FAM184B: variants seen among roughly 807,000 people sequenced by gnomAD.
FAM184B encodes family with sequence similarity 184 member B.
Under a neutral mutation model 135.9 loss-of-function variants are expected in FAM184B, and 111 were observed. That is an observed-to-expected ratio of 0.82 (90% CI 0.70 to 0.96). The LOEUF is 0.96. Among genes scored for constraint, FAM184B ranks in the 40% least tolerant of loss-of-function variants. The pLI, the probability that FAM184B is intolerant of heterozygous loss-of-function variation, is 0.00. For synonymous variants in FAM184B, 552 were observed against 524.8 expected (o/e 1.05, Z -0.71); for missense variants, 1,375 against 1,323.9 (o/e 1.04, Z -0.60).
chr4:17,697,669 C>T (rs1236915234), intron 5 of FAM184B, among the ~76,000 whole-genome samples: 1 of 152,146 alleles, frequency 6.6e-6, no homozygotes, highest in East Asian at 1.9e-4. Flanking sequence ...GTTTAACATG[C>T]TTTAATAAAG....
chr4:17,639,148 C>A (rs1046789558), intron 14 of FAM184B, 102 bp downstream of exon 14: 4 of 1,266,596 alleles, frequency 3.2e-6, no homozygotes, highest in South Asian at 2.8e-5. Flanking sequence ...CCAGGACTTT[C>A]AATTTGAAAA....
At chr4:17,719,188 T>C (rs982151360) in intron 1 of FAM184B, among the ~76,000 whole-genome samples, 8 of 152,158 alleles carry the variant, frequency 5.3e-5, no homozygotes, top group African/African-American at 1.9e-4. Flanking sequence ...TTTGGGGCCA[T>C]TATGAGGTAA....
At position 17,781,117 on chromosome 4, in the gene FAM184B, C is replaced by T; in HGVS notation, c.141+42G>A. ...TCCGCACTGACTCCCGGCTCGGGCG[C>T]CCCGGGCGTGCAGCTCGCTGGCCCG... On this transcript the variant is annotated intron_variant, in intron 1 of 17. Coordinates refer to ENST00000265018, the MANE Select transcript of FAM184B (RefSeq NM_015688.2). The surrounding 1 kb of genome is among the most constrained non-coding windows in gnomAD (Gnocchi z 6.5). 3.4e-6 allele frequency: 5 copies of T among 1,475,564 alleles called. No homozygotes were observed. Among genetic ancestry groups the T allele is most frequent in the Non-Finnish European group, 4.5e-6 (5 of 1,110,890 alleles). The allele number at this position is 1,475,564 out of a possible 1,614,324, so 91.4% of individuals were successfully genotyped here.
intron 1 of FAM184B, among the ~76,000 whole-genome samples, chr4:17,735,793 A>G (rs1299789094): frequency 6.6e-6 from 1 of 152,148 alleles, no homozygotes; most frequent in Non-Finnish European, 1.5e-5. Flanking sequence ...TGACATTACA[A>G]CCGGAATAAA....
At chr4:17,649,346 A>T (rs1298671526) in intron 11 of FAM184B, among the ~76,000 whole-genome samples, 1 of 152,186 alleles carries the variant, frequency 6.6e-6, no homozygotes, top group Non-Finnish European at 1.5e-5. Flanking sequence ...GCACTTTGGG[A>T]GGCCGACGTG....
At chr4:17,636,022 T>TG (rs1266675524) in intron 15 of FAM184B, among the ~76,000 whole-genome samples, 1 of 141,794 alleles carries the variant, frequency 7.1e-6, no homozygotes, top group East Asian at 2.3e-4. Flanking sequence ...CAAATGCTGT[T>TG]GGACTTGGGA....
intron 13 of FAM184B, among the ~76,000 whole-genome samples, chr4:17,641,804 CCT>C (rs2108930579): frequency 6.6e-6 from 1 of 151,942 alleles, no homozygotes; most frequent in South Asian, 2.1e-4. Context: ...AGCCAGACTC[CCT>C]CTTTTATTTC....
At chr4:17,670,112 C>T (rs1716137615) in intron 7 of FAM184B, among the ~76,000 whole-genome samples, 1 of 152,172 alleles carries the variant, frequency 6.6e-6, no homozygotes, top group East Asian at 1.9e-4. Flanking sequence ...TTAAAAGAAT[C>T]AGATAAACTT....
In FAM184B at chr4:17,664,622, C is replaced by T. The variant is rs1231028117; in HGVS notation, c.1634G>A (p.Gly545Glu). The T allele has an allele frequency of 1.9e-6, 3 of 1,551,402 alleles. No homozygotes were observed. Among genetic ancestry groups the T allele is most frequent in the African/African-American group, 1.4e-5 (1 of 72,880 alleles). ...TGCTAACTTATCTTGATACTCCTCT[C>T]CTCTCGGCGAAGTTTCATCCAGCTT... ...CLKLDETSPRGEEYQDKLAAE... is the reference protein window; with the variant it reads ...CLKLDETSPREEEYQDKLAAE... Residue 545 changes from glycine (G) to glutamate (E), a missense_variant, in exon 8 of 18, where the codon GGA becomes GAA. Transcript: ENST00000265018.
intron 10 of FAM184B, among the ~76,000 whole-genome samples, chr4:17,657,271 G>T (rs1258710887): frequency 1.3e-5 from 2 of 152,176 alleles, no homozygotes. Context: ...ATCTGTCAGA[G>T]AATCCATCAG....
At chr4:17,772,973 T>C (rs888694930) in intron 1 of FAM184B, among the ~76,000 whole-genome samples, 1 of 152,178 alleles carries the variant, frequency 6.6e-6, no homozygotes, top group Non-Finnish European at 1.5e-5. Flanking sequence ...ATTAACTATA[T>C]ATTCCCCTTT....
intron 1 of FAM184B, among the ~76,000 whole-genome samples, chr4:17,735,308 G>A (rs1260392519): frequency 6.6e-6 from 1 of 151,450 alleles, no homozygotes; most frequent in Non-Finnish European, 1.5e-5. Context: ...TTGTGCACAT[G>A]TACCCTAAAA....
At chr4:17,739,303 T>G in intron 1 of FAM184B, among the ~76,000 whole-genome samples, 1 of 152,158 alleles carries the variant, frequency 6.6e-6, no homozygotes. Flanking sequence ...TCTCAAGTCT[T>G]GTCCCCAGTA....
chr4:17,703,671 G>A (rs891641906), intron 5 of FAM184B, among the ~76,000 whole-genome samples: 1 of 152,102 alleles, frequency 6.6e-6, no homozygotes, highest in Non-Finnish European at 1.5e-5. Flanking sequence ...GGTGGCTCAC[G>A]CCTGTAATCC....
At chr4:17,717,813 A>G (rs1223600188) in intron 1 of FAM184B, among the ~76,000 whole-genome samples, 1 of 152,150 alleles carries the variant, frequency 6.6e-6, no homozygotes, top group African/African-American at 2.4e-5. Flanking sequence ...AGGACATAAT[A>G]TCTGTTGAGG....
rs558445322 is a variant in FAM184B, at chr4:17,768,591, G to A, written c.141+12568C>T. 4.6e-4 allele frequency among the ~76,000 whole-genome samples: 69 copies of A among 151,598 alleles called. 1 individual carries two copies. The South Asian group carries it at 5.6e-3, about 12-fold the overall frequency. On this transcript the variant is annotated intron_variant, in intron 1 of 17. Transcript: ENST00000265018. Reference sequence around the variant, plus strand: ...TGCCAGCCTTCTGACCCCTTTATAAGTTTTAAAATAATATTGTGTATGTGT... The same window carrying A: ...TGCCAGCCTTCTGACCCCTTTATAAATTTTAAAATAATATTGTGTATGTGT...
At chr4:17,727,540 T>TA (rs1395381203) in intron 1 of FAM184B, among the ~76,000 whole-genome samples, 1 of 152,156 alleles carries the variant, frequency 6.6e-6, no homozygotes, top group Non-Finnish European at 1.5e-5. Flanking sequence ...TCAGGAAACT[T>TA]ACAATCATGG....
chr4:17,687,059 G>T (rs1378520217), intron 7 of FAM184B, among the ~76,000 whole-genome samples: 3 of 152,142 alleles, frequency 2.0e-5, no homozygotes, highest in African/African-American at 7.2e-5. Context: ...GCTCATTTTT[G>T]CCCTGGTGAA....
chr4:17,668,684 C>G (rs764763805), intron 7 of FAM184B, among the ~76,000 whole-genome samples: 4 of 152,192 alleles, frequency 2.6e-5, no homozygotes, highest in Admixed American at 6.5e-5. Context: ...AGGCGTGTGA[C>G]AACACGCCCG....
Sources: gnomAD v4.1 joint callset for allele counts (sites outside exome capture counted in the v4.1 genomes callset) on GRCh38, gnomAD v4.1.1 for gene constraint, Gnocchi (gnomAD v3.1) non-coding constraint, MANE v1.5 for transcripts, NCBI Gene and HGNC (gene_info 2026-07-23, HGNC 2026-07-21) for gene names.